The following FRAS1 variants were observed in gnomAD, a reference collection of about 807,000 sequenced individuals.
FRAS1 encodes Fraser extracellular matrix complex subunit 1, also known as extracellular matrix organizing protein FRAS1.
A neutral mutation model predicts 435.2 loss-of-function variants in FRAS1; 290 were observed. The ratio of observed to expected loss-of-function variants is 0.67; its 90% CI spans 0.61 to 0.73. The LOEUF (loss-of-function observed/expected upper bound fraction) is 0.73, where lower values mean the gene tolerates loss of function less well. FRAS1 is among the 30% of genes least tolerant of loss of function. The pLI is 0.00. For missense variants in FRAS1, 4,860 were observed against 5,001.5 expected (o/e 0.97, Z 0.85); for synonymous variants, 1,800 against 1,851.0 (o/e 0.97, Z 0.71).
intron 2 of FRAS1, among the ~76,000 whole-genome samples, chr4:78,174,682 T>C (rs1304906413): frequency 6.6e-6 from 1 of 152,208 alleles, no homozygotes; most frequent in Admixed American, 6.5e-5. Context: ...TCACCTGGAA[T>C]ATAATTTGTC....
At chr4:78,253,643 A>T (rs908492785) in intron 5 of FRAS1, among the ~76,000 whole-genome samples, 3 of 152,108 alleles carry the variant, frequency 2.0e-5, no homozygotes, top group Non-Finnish European at 4.4e-5. Context: ...CCCATTCCGT[A>T]TTGGAATCAA....
intron 29 of FRAS1, among the ~76,000 whole-genome samples, chr4:78,387,953 T>C (rs937242541): frequency 9.2e-5 from 14 of 152,180 alleles, no homozygotes; most frequent in African/African-American, 3.4e-4. Context: ...GAACGTGTTA[T>C]TATCCACTAA....
chr4:78,216,406 C>A (rs549621519), intron 2 of FRAS1, among the ~76,000 whole-genome samples: 1 of 152,300 alleles, frequency 6.6e-6, no homozygotes, highest in East Asian at 1.9e-4. Context: ...AGTGGCTCAA[C>A]ATATATTCAC....
chr4:78,533,084 A>G (rs1721771770), intron 70 of FRAS1, among the ~76,000 whole-genome samples: 1 of 152,228 alleles, frequency 6.6e-6, no homozygotes, highest in Non-Finnish European at 1.5e-5. Flanking sequence ...GGCTGCACCA[A>G]TTTACACCCA....
chr4:78,441,145 G>A lies in FRAS1; in HGVS notation c.5530-17G>A. 6 of 1,613,382 alleles carry A rather than the reference G, an allele frequency of 3.7e-6. No individual in the cohort carries two copies. Among genetic ancestry groups the A allele is most frequent in the Non-Finnish European group, 5.1e-6 (6 of 1,179,638 alleles). ...TGTGAAATCACCAAGGACTCTCTAT[G>A]TTCTTTTCTTTCTTAGGTTGATGAG... On this transcript the variant is annotated splice_polypyrimidine_tract_variant and intron_variant, in intron 40 of 73. Coordinates refer to ENST00000512123, the MANE Select transcript of FRAS1 (RefSeq NM_025074.7).
chr4:78,342,187 G>T (rs887252971), intron 20 of FRAS1, among the ~76,000 whole-genome samples: 7 of 152,208 alleles, frequency 4.6e-5, no homozygotes, highest in African/African-American at 1.7e-4. Context: ...GTATGTCCAA[G>T]CGCCTCCAGG....
intron 15 of FRAS1, among the ~76,000 whole-genome samples, chr4:78,314,159 A>G (rs11726717): frequency 0.26 from 39,303 of 151,232 alleles, 6,018 homozygotes; most frequent in Non-Finnish European, 0.35. Context: ...CTTCTGTCTT[A>G]TCCTGCATAC....
chr4:78,533,928 G>T lies in FRAS1; in HGVS notation c.10926-521G>T, dbSNP rs1448770941. Among the ~76,000 whole-genome samples, 3 of 152,212 alleles carry T rather than the reference G, an allele frequency of 2.0e-5. No individual in the cohort carries two copies. In the South Asian group the frequency reaches 6.2e-4, roughly 31 times the overall value. ...AGAACAATAAGGGTCCCAGAACTGAGCCTTGGGAGCGCTTATCTGCCAGAA... is the reference window on the plus strand; with the variant it reads ...AGAACAATAAGGGTCCCAGAACTGATCCTTGGGAGCGCTTATCTGCCAGAA... On this transcript the variant is annotated intron_variant, in intron 70 of 73. Transcript: ENST00000512123.
At chr4:78,501,614 C>G (rs1023471744) in intron 61 of FRAS1, among the ~76,000 whole-genome samples, 18 of 152,220 alleles carry the variant, frequency 1.2e-4, no homozygotes, top group Admixed American at 8.5e-4. Context: ...TCTCCACATC[C>G]TCTCCAGAAT....
chr4:78,279,398 A>G (rs542969837), intron 10 of FRAS1, among the ~76,000 whole-genome samples: 6 of 152,198 alleles, frequency 3.9e-5, no homozygotes, highest in Non-Finnish European at 8.8e-5. Flanking sequence ...CGCTTAACTC[A>G]TGACAGGACC....
chr4:78,364,082 C>G (rs376148395), intron 22 of FRAS1, 28 bp downstream of exon 22: 51 of 1,553,696 alleles, frequency 3.3e-5, no homozygotes, highest in Non-Finnish European at 4.2e-5. Flanking sequence ...ACCTTCTCTC[C>G]TTTCCTTCTT....
chr4:78,443,231 G>A (rs149257959), intron 41 of FRAS1, among the ~76,000 whole-genome samples: 1,809 of 152,250 alleles, frequency 0.012, 28 homozygotes, highest in African/African-American at 0.042. Flanking sequence ...GGTGGCACAT[G>A]CCTGTAGTCC....
chr4:78,507,367 G>A, intron 61 of FRAS1, 54 bp from the exon 62 acceptor site: 1 of 1,497,894 alleles, frequency 6.7e-7, no homozygotes, highest in Non-Finnish European at 9.1e-7. Context: ...GCACTCTCTT[G>A]GGTGTGTTTC....
At position 78,513,451 on chromosome 4, in the gene FRAS1, T is replaced by A; in HGVS notation, c.10073T>A (p.Met3358Lys). Residue 3358 changes from methionine to lysine, a missense_variant, in exon 65 of 74, where the codon ATG (methionine) becomes AAG (lysine). Met to Lys is a moderately conservative substitution (Grantham distance 95, BLOSUM62 -1). Coordinates refer to ENST00000512123, the MANE Select transcript of FRAS1 (RefSeq NM_025074.7). ...GGAATGCTGCCCCTTATCTCCACCATGCCGTTGCACAACTTACATTTTCTA... is the reference window on the plus strand; with the variant it reads ...GGAATGCTGCCCCTTATCTCCACCAAGCCGTTGCACAACTTACATTTTCTA... ...QDGMLPLISTMPLHNLHFLLS... is the reference protein window; with the variant it reads ...QDGMLPLISTKPLHNLHFLLS... 1.2e-6 allele frequency: 2 copies of A among 1,614,006 alleles called. No homozygotes were observed. The highest frequency in any genetic ancestry group is 1.7e-6 in the Non-Finnish European group (2 of 1,179,874).
At chr4:78,492,631 A>T (rs1385129038) in intron 59 of FRAS1, among the ~76,000 whole-genome samples, 2 of 152,210 alleles carry the variant, frequency 1.3e-5, no homozygotes, top group African/African-American at 4.8e-5. Context: ...CTTACACCTT[A>T]TACAAAAATT....
At chr4:78,376,370 T>A (rs745868016) in intron 26 of FRAS1, among the ~76,000 whole-genome samples, 3 of 152,198 alleles carry the variant, frequency 2.0e-5, no homozygotes, top group Admixed American at 6.5e-5. Context: ...TACTGAATAC[T>A]GTAGGCAATC....
At chr4:78,180,956 A>C in intron 2 of FRAS1, 1 of 1,610,616 alleles carries the variant, frequency 6.2e-7, no homozygotes, top group Non-Finnish European at 8.5e-7. Context: ...TTGGGCGCCC[A>C]CCACGCCCAT....
chr4:78,312,020 G>A (rs1050172686), intron 15 of FRAS1, among the ~76,000 whole-genome samples: 4 of 151,694 alleles, frequency 2.6e-5, no homozygotes, highest in Non-Finnish European at 5.9e-5. Context: ...TGAATATAAT[G>A]CCTTTGTTAA....
In FRAS1 at chr4:78,456,718, G is replaced by T. The variant is rs1306857903; in HGVS notation, c.6763+4364G>T. On this transcript the variant is annotated intron_variant, in intron 47 of 73. Coordinates refer to ENST00000512123, the MANE Select transcript of FRAS1 (RefSeq NM_025074.7). ...ATGGTGGCTAAACAAACATTTAGAGGGTAGAGATAGGGATGCTATTAACAA... is the reference window on the plus strand; with the variant it reads ...ATGGTGGCTAAACAAACATTTAGAGTGTAGAGATAGGGATGCTATTAACAA... 2.0e-5 allele frequency among the ~76,000 whole-genome samples: 3 copies of T among 152,158 alleles called. No homozygotes were observed. In the East Asian group the frequency reaches 5.8e-4, roughly 29 times the overall value.
Sources: gnomAD v4.1 joint callset for allele counts (sites outside exome capture counted in the v4.1 genomes callset) on GRCh38, gnomAD v4.1.1 for gene constraint, MANE v1.5 for transcripts, NCBI Gene and HGNC (gene_info 2026-07-23, HGNC 2026-07-21) for gene names.